Variants in DHRS7 observed in about 807,000 individuals in gnomAD.
DHRS7 encodes dehydrogenase/reductase SDR family member 7.
In DHRS7, 34 loss-of-function variants were observed where a neutral mutation model predicts 38.9. The observed-to-expected ratio is 0.87, with a 90% CI of 0.66 to 1.16. DHRS7 has a LOEUF of 1.16. Among genes scored for constraint, DHRS7 ranks in the 50% most tolerant of loss-of-function variants. DHRS7 has a pLI of 0.00. For synonymous variants in DHRS7, 158 were observed against 153.1 expected (o/e 1.03, Z -0.24); for missense variants, 421 against 407.0 (o/e 1.03, Z -0.30).
At position 60,153,235 on chromosome 14, in the gene DHRS7, T is replaced by C; in HGVS notation, c.394-57A>G. On this transcript the variant is annotated intron_variant, in intron 3 of 6. Transcript: ENST00000557185. The surrounding 1 kb of genome is among the most constrained non-coding windows in gnomAD (Gnocchi z 4.4). ...GGGGGATGTCTTGTGGATAGATTGA[T>C]GGAATTCCTATGGATGGTTGGTTAT... 1.9e-6 allele frequency: 3 copies of C among 1,591,032 alleles called. No homozygotes were observed. Among genetic ancestry groups the C allele is most frequent in the Admixed American group, 3.4e-5 (2 of 59,080 alleles).
At chr14:60,165,887 G>A (rs1462667529), upstream of DHRS7, among the ~76,000 whole-genome samples, 2 of 152,172 alleles carry the variant, frequency 1.3e-5, no homozygotes, top group Admixed American at 1.3e-4. The surrounding 1 kb of genome is among the most constrained non-coding windows in gnomAD (Gnocchi z 4.6). Flanking sequence ...CCTCCATGGG[G>A]ACAAGGTCCT....
rs980161150 is a variant in DHRS7, at chr14:60,165,252, C to T, written c.58G>A (p.Val20Met). ...GCCCTCAGGAAGCGCAGCAGCTGCA[C>T]CAAGAGCAGGAGCAGCGCGCACAGC... ...LVLCALLLLL[V>M]QLLRFLRADG... The change falls in exon 1 of 7, where the codon GTG (valine) becomes ATG (methionine). Residue 20 changes from valine to methionine, a missense_variant. By Grantham distance (21) the Val-to-Met change is conservative. Coordinates refer to ENST00000557185, the MANE Select transcript of DHRS7 (RefSeq NM_016029.4). The surrounding 1 kb of genome is among the most constrained non-coding windows in gnomAD (Gnocchi z 4.6). 4 of 1,608,854 alleles carry T rather than the reference C, an allele frequency of 2.5e-6. No homozygotes were observed. In the African/African-American group the frequency reaches 4.0e-5, roughly 16 times the overall value.
chr14:60,159,207 C>T (rs899304629), intron 1 of DHRS7: 9 of 358,710 alleles, frequency 2.5e-5, no homozygotes, highest in African/African-American at 1.1e-4. Context: ...AGAGGAGATG[C>T]GGTTACGGAA....
intron 6 of DHRS7, chr14:60,147,701 T>C (rs1896443447): frequency 6.6e-6 from 1 of 152,184 alleles, no homozygotes; most frequent in Non-Finnish European, 1.5e-5. Context: ...TTATCATCAT[T>C]AATCTCCATC....
chr14:60,148,299 C>CATTG lies in DHRS7; in HGVS notation c.972+1050_972+1053dup, dbSNP rs1426045763. 1 of 152,100 alleles carries CATTG rather than the reference C, an allele frequency of 6.6e-6. No homozygotes were observed. Among genetic ancestry groups the CATTG allele is most frequent in the East Asian group, 1.9e-4 (1 of 5,200 alleles). 9.4% of individuals were successfully genotyped at this position (152,100 alleles called of 1,614,324 possible). A position where few individuals can be genotyped will look rare whatever the true frequency, so the allele number is the denominator to read the frequency against. ...AATTCTTTTTTTATCTGTCAATCCC[C>CATTG]ATTGATTAATTTCTAAAAGAAGGTG... On this transcript the variant is annotated intron_variant, in intron 6 of 6. Coordinates refer to ENST00000557185, the MANE Select transcript of DHRS7 (RefSeq NM_016029.4). This position sits in a 1 kb window ranked among gnomAD's most constrained non-coding sequence, Gnocchi z 4.8.
rs780597979 is a variant in DHRS7 at position 60,165,312 on chromosome 14, C to A, written c.-3G>T. The A allele has an allele frequency of 4.4e-6, 7 of 1,577,256 alleles. No homozygotes were observed. Among genetic ancestry groups the A allele is most frequent in the Non-Finnish European group, 6.0e-6 (7 of 1,165,380 alleles). ...CACAGCAGCAGCTCCCAGTTCATTG[C>A]GGCCGCGCACGCCCAGCTCGGGGGG... On this transcript the variant is annotated 5_prime_UTR_variant, in exon 1 of 7. Coordinates refer to ENST00000557185, the MANE Select transcript of DHRS7 (RefSeq NM_016029.4). The surrounding 1 kb of genome is among the most constrained non-coding windows in gnomAD (Gnocchi z 4.6).
rs1287858005 is a variant in DHRS7, at chr14:60,162,843, A to G, written c.133+2334T>C. Among the ~76,000 whole-genome samples the G allele has an allele frequency of 6.6e-6, 1 of 152,082 alleles. No individual in the cohort carries two copies. Among genetic ancestry groups the G allele is most frequent in the Non-Finnish European group, 1.5e-5 (1 of 68,012 alleles). On this transcript the variant is annotated intron_variant, in intron 1 of 6. Transcript: ENST00000557185. This position sits in a 1 kb window ranked among gnomAD's most constrained non-coding sequence, Gnocchi z 4.5. ...TGTATATCATTTATGTACTGTACAT[A>G]TATCTGTGCTTTATACATAAAAGGA...
At position 60,164,866 on chromosome 14, in the gene DHRS7, T is replaced by TTG. The variant is rs147895639; in HGVS notation, c.133+310_133+311insCA. 2.8e-3 allele frequency among the ~76,000 whole-genome samples: 421 copies of TTG among 152,326 alleles called. 3 individuals carry two copies. The highest frequency in any genetic ancestry group is 9.7e-3 in the African/African-American group (403 of 41,590). On this transcript the variant is annotated intron_variant, in intron 1 of 6. Transcript: ENST00000557185. ...AGAATCCCTTGAGTCCTGCGTAAGA[T>TTG]GTCAGAGTCCTCAGGAGCACCGCCG...
rs1716716738 is a variant in DHRS7 at position 60,162,416 on chromosome 14, G to A, written c.133+2761C>T. 6.6e-6 allele frequency among the ~76,000 whole-genome samples: 1 copy of A among 151,914 alleles called. No individual in the cohort carries two copies. The highest frequency in any genetic ancestry group is 1.5e-5 in the Non-Finnish European group (1 of 68,004). On this transcript the variant is annotated intron_variant, in intron 1 of 6. Coordinates refer to ENST00000557185, the MANE Select transcript of DHRS7 (RefSeq NM_016029.4). The surrounding 1 kb of genome is among the most constrained non-coding windows in gnomAD (Gnocchi z 4.5). ...AAATCACCATGTGAGATATATGCTT[G>A]GAAATGCACAGAATTTCTCTAGACG...
Position 60,153,203 on chromosome 14 carries a change from G to A in DHRS7, c.394-25C>T, listed in dbSNP as rs192378541. The A allele has an allele frequency of 3.1e-5, 50 of 1,612,996 alleles. No homozygotes were observed. The African/African-American group carries it at 5.3e-4, about 17-fold the overall frequency. ...TCTAGTTAAATAAAATCAGAAAAGGGGTGTTTGGGGGATGTCTTGTGGATA... is the reference window on the plus strand; with the variant it reads ...TCTAGTTAAATAAAATCAGAAAAGGAGTGTTTGGGGGATGTCTTGTGGATA... On this transcript the variant is annotated intron_variant, in intron 3 of 6. Coordinates refer to ENST00000557185, the MANE Select transcript of DHRS7 (RefSeq NM_016029.4). The surrounding 1 kb of genome is among the most constrained non-coding windows in gnomAD (Gnocchi z 4.4).
chr14:60,165,993 G>A (rs1018834811), upstream of DHRS7, among the ~76,000 whole-genome samples: 11 of 152,166 alleles, frequency 7.2e-5, no homozygotes, highest in Non-Finnish European at 2.9e-5. The surrounding 1 kb of genome is among the most constrained non-coding windows in gnomAD (Gnocchi z 4.6). Context: ...GTGTCTGTTT[G>A]GCAACCAAAG....
intron 2 of DHRS7, 120 bp from the exon 3 acceptor site, chr14:60,154,185 T>C: frequency 1.4e-6 from 1 of 704,958 alleles, no homozygotes; most frequent in Non-Finnish European, 2.4e-6. Context: ...TGGGTGGCCC[T>C]GTGAAAGTTC....
upstream of DHRS7, among the ~76,000 whole-genome samples, chr14:60,168,254 A>G (rs908379487): frequency 2.0e-5 from 3 of 152,202 alleles, no homozygotes; most frequent in African/African-American, 7.2e-5. Flanking sequence ...TTTCCACAGT[A>G]TCTTGGGTCT....
At chr14:60,154,431 A>C (rs1046428590) in intron 2 of DHRS7, among the ~76,000 whole-genome samples, 11 of 152,096 alleles carry the variant, frequency 7.2e-5, no homozygotes, top group African/African-American at 2.7e-4. Flanking sequence ...TCTTCTACAC[A>C]CAAAACAACT....
upstream of DHRS7, among the ~76,000 whole-genome samples, chr14:60,166,987 T>TG (rs899477665): frequency 7.3e-6 from 1 of 137,716 alleles, no homozygotes; most frequent in African/African-American, 2.7e-5. Flanking sequence ...GTGGGAGGGT[T>TG]GGGGGGGACG....
chr14:60,153,834 C>T lies in DHRS7; in HGVS notation c.393+125G>A. 1 of 706,222 alleles carries T rather than the reference C, an allele frequency of 1.4e-6. No homozygotes were observed. The highest frequency in any genetic ancestry group is 2.4e-6 in the Non-Finnish European group (1 of 410,724). The allele number at this position is 706,222 out of a possible 1,614,324, so 43.7% of individuals were successfully genotyped here. ...GGCTCAGAGATTAAGGGGCCCAACT[C>T]ATGGGCCCGATCTCACTGCATGGAC... On this transcript the variant is annotated intron_variant, in intron 3 of 6. Coordinates refer to ENST00000557185, the MANE Select transcript of DHRS7 (RefSeq NM_016029.4). This position sits in a 1 kb window ranked among gnomAD's most constrained non-coding sequence, Gnocchi z 4.4.
intron 1 of DHRS7, among the ~76,000 whole-genome samples, chr14:60,158,645 G>A (rs1445611165): frequency 6.6e-6 from 1 of 152,092 alleles, no homozygotes; most frequent in Non-Finnish European, 1.5e-5. Flanking sequence ...TTTGTTTCCC[G>A]ATTCCACAGA....
Position 60,165,267 on chromosome 14 carries a change from G to C in DHRS7, c.43C>G (p.Leu15Val). ...LLLWLLVLCA[L>V]LLLLVQLLRF... ...AGCAGCTGCACCAAGAGCAGGAGCA[G>C]CGCGCACAGCACCAGCAGCCACAGC... The change falls in exon 1 of 7, where the codon CTG (leucine) becomes GTG (valine). Residue 15 changes from leucine to valine, a missense_variant. Leu to Val is a conservative substitution (Grantham distance 32). Coordinates refer to ENST00000557185, the MANE Select transcript of DHRS7 (RefSeq NM_016029.4). This position sits in a 1 kb window ranked among gnomAD's most constrained non-coding sequence, Gnocchi z 4.6. The C allele has an allele frequency of 1.9e-6, 3 of 1,603,498 alleles. No individual in the cohort carries two copies. The highest frequency in any genetic ancestry group is 1.7e-6 in the Non-Finnish European group (2 of 1,177,288).
In DHRS7 at chr14:60,146,631, C is replaced by A. The variant is rs1198648755; in HGVS notation, c.973-1618G>T. Reference sequence around the variant, plus strand: ...CATAATAGCCAAGATATGGAAACAACCTAAGTGTCCATTAGTGAATGAATG... The same window carrying A: ...CATAATAGCCAAGATATGGAAACAAACTAAGTGTCCATTAGTGAATGAATG... On this transcript the variant is annotated intron_variant, in intron 6 of 6. Transcript: ENST00000557185. The surrounding 1 kb of genome is among the most constrained non-coding windows in gnomAD (Gnocchi z 4.9). 6.6e-6 allele frequency: 1 copy of A among 151,904 alleles called. No individual in the cohort carries two copies. Among genetic ancestry groups the A allele is most frequent in the Non-Finnish European group, 1.5e-5 (1 of 68,018 alleles). 9.4% of individuals were successfully genotyped at this position (151,904 alleles called of 1,614,324 possible). A position where few individuals can be genotyped will look rare whatever the true frequency, so the allele number is the denominator to read the frequency against.
Sources: allele counts gnomAD v4.1 joint callset (sites outside exome capture counted in the v4.1 genomes callset), GRCh38; gene constraint gnomAD v4.1.1; non-coding constraint Gnocchi (gnomAD v3.1); transcripts MANE v1.5; gene names NCBI Gene and HGNC (gene_info 2026-07-23, HGNC 2026-07-21).